Variants in PRDM16 observed in about 807,000 individuals in gnomAD.
PRDM16 encodes the protein PR/SET domain 16.
In PRDM16, 23 loss-of-function variants were observed where a neutral mutation model predicts 110.6. The ratio of observed to expected loss-of-function variants is 0.21; its 90% CI spans 0.15 to 0.29. The LOEUF (loss-of-function observed/expected upper bound fraction) is 0.29. Ranked by LOEUF, PRDM16 falls within the 10% of genes least tolerant of loss-of-function variation. The probability of loss-of-function intolerance (pLI) is 1.00; values close to 1 mark genes in which losing one functional copy is unlikely to be tolerated. For missense variants in PRDM16, 1,615 were observed against 1,794.3 expected (o/e 0.90, Z 1.81); for synonymous variants, 799 against 781.8 (o/e 1.02, Z -0.37).
chr1:3,329,700 G>A (rs1192431467), intron 3 of PRDM16, among the ~76,000 whole-genome samples: 1 of 152,246 alleles, frequency 6.6e-6, no homozygotes, highest in African/African-American at 2.4e-5. Flanking sequence ...TGAGTTGAGT[G>A]TGATTCTGGC....
rs1382162421 is a variant in PRDM16, at chr1:3,404,854, G to A, written c.1000G>A (p.Gly334Ser). ...LIRHQMSHDS[G>S]KRFECENCVK... ...CCGCCACCAGATGTCCCACGACAGC[G>A]GCAAACGCTTCGAATGTGAAAACTG... Residue 334 changes from glycine to serine, a missense_variant, in exon 7 of 17, where the codon GGC becomes AGC. This residue lies in a region of PRDM16 where 416 missense variants were observed against 467.1 expected (regional missense o/e 0.89). Transcript: ENST00000270722. The A allele has an allele frequency of 1.2e-5, 19 of 1,613,270 alleles. No homozygotes were observed. The highest frequency in any genetic ancestry group is 2.2e-5 in the East Asian group (1 of 44,894).
At chr1:3,352,164 G>A (rs763639023) in intron 3 of PRDM16, among the ~76,000 whole-genome samples, 55 of 152,182 alleles carry the variant, frequency 3.6e-4, no homozygotes, top group Non-Finnish European at 6.5e-4. Flanking sequence ...CCACCTGCCC[G>A]GCCCTGGCAC....
rs1018478097 is a variant in PRDM16 at position 3,281,301 on chromosome 1, G to A, written c.438+37164G>A. Among the ~76,000 whole-genome samples, 9 of 152,180 alleles carry A rather than the reference G, an allele frequency of 5.9e-5. No individual in the cohort carries two copies. The South Asian group carries it at 1.0e-3, about 18-fold the overall frequency. Reference sequence around the variant, plus strand: ...GAGACGCTCCCTTCCTACAGCTGCCGGTGGCCAGAACCCTCCACCTGTGCT... The same window carrying A: ...GAGACGCTCCCTTCCTACAGCTGCCAGTGGCCAGAACCCTCCACCTGTGCT... On this transcript the variant is annotated intron_variant, in intron 3 of 16. Transcript: ENST00000270722.
At chr1:3,405,783 G>T in intron 8 of PRDM16, 135 bp downstream of exon 8, 1 of 869,908 alleles carries the variant, frequency 1.1e-6, no homozygotes, top group Non-Finnish European at 1.7e-6. Context: ...CTCATGGCAG[G>T]TTCTGACATC....
intron 1 of PRDM16, among the ~76,000 whole-genome samples, chr1:3,141,771 G>A (rs1643554416): frequency 6.6e-6 from 1 of 152,240 alleles, no homozygotes; most frequent in South Asian, 2.1e-4. Context: ...GACAGAGAAG[G>A]TGGGACAAAT....
At chr1:3,429,979 G>A (rs967856689) in intron 14 of PRDM16, among the ~76,000 whole-genome samples, 2 of 152,150 alleles carry the variant, frequency 1.3e-5, no homozygotes, top group African/African-American at 2.4e-5. Flanking sequence ...CAGTGCCCCC[G>A]GGCGGAGTGA....
chr1:3,242,002 G>T (rs530622693), intron 2 of PRDM16, among the ~76,000 whole-genome samples: 63 of 152,342 alleles, frequency 4.1e-4, no homozygotes, highest in Middle Eastern at 3.4e-3. Context: ...GTGATCGTGG[G>T]GGTGTCACCT....
At chr1:3,089,361 C>T (rs1642221984) in intron 1 of PRDM16, among the ~76,000 whole-genome samples, 2 of 152,352 alleles carry the variant, frequency 1.3e-5, no homozygotes, top group African/African-American at 4.8e-5. Context: ...GGGGCTGTGA[C>T]CCCATGCAAC....
At chr1:3,231,247 G>A (rs56069308) in intron 2 of PRDM16, among the ~76,000 whole-genome samples, 4,558 of 152,310 alleles carry the variant, frequency 0.03, 172 homozygotes, top group African/African-American at 0.093. Context: ...CGCCACAAGA[G>A]GCTTTTGGTC....
chr1:3,210,652 C>T (rs1308798118), intron 2 of PRDM16, among the ~76,000 whole-genome samples: 1 of 152,252 alleles, frequency 6.6e-6, no homozygotes, highest in Admixed American at 6.5e-5. Context: ...GAACTTATGT[C>T]ATGGGTTCAC....
intron 2 of PRDM16, among the ~76,000 whole-genome samples, chr1:3,210,141 C>T (rs1440379427): frequency 6.6e-6 from 1 of 152,206 alleles, no homozygotes; most frequent in Non-Finnish European, 1.5e-5. Flanking sequence ...AACCAGCTCG[C>T]TATGTGCCGA....
At chr1:3,204,932 G>C (rs777176707) in intron 2 of PRDM16, among the ~76,000 whole-genome samples, 1 of 152,214 alleles carries the variant, frequency 6.6e-6, no homozygotes, top group African/African-American at 2.4e-5. Context: ...TGCTCCGAAC[G>C]GGGAGCTGGG....
intron 4 of PRDM16, among the ~76,000 whole-genome samples, chr1:3,388,881 T>C (rs918962717): frequency 1.2e-4 from 18 of 152,168 alleles, no homozygotes; most frequent in African/African-American, 4.3e-4. Flanking sequence ...AGATGGGGTC[T>C]GGGGGCAGAC....
intron 4 of PRDM16, 32 bp downstream of exon 4, chr1:3,385,318 C>A (rs1383288330): frequency 6.2e-7 from 1 of 1,610,034 alleles, no homozygotes; most frequent in Admixed American, 1.7e-5. Context: ...GGGCTTCTGC[C>A]TCTTGGAATT....
At position 3,206,186 on chromosome 1, in the gene PRDM16, A is replaced by G. The variant is rs1638749354; in HGVS notation, c.387+19712A>G. 6.6e-6 allele frequency: 1 copy of G among 151,364 alleles called. No individual in the cohort carries two copies. Among genetic ancestry groups the G allele is most frequent in the Non-Finnish European group, 1.5e-5 (1 of 67,876 alleles). 9.4% of individuals were successfully genotyped at this position (151,364 alleles called of 1,614,324 possible). ...GTGAACCTACTCTGGGAGAACCAACACCCCACACTAAGCCAGTGGCCCACA... is the reference window on the plus strand; with the variant it reads ...GTGAACCTACTCTGGGAGAACCAACGCCCCACACTAAGCCAGTGGCCCACA... On this transcript the variant is annotated intron_variant, in intron 2 of 16. Transcript: ENST00000270722. This position sits in a 1 kb window ranked among gnomAD's most constrained non-coding sequence, Gnocchi z 4.9.
intron 1 of PRDM16, among the ~76,000 whole-genome samples, chr1:3,105,981 C>G (rs1298009271): frequency 4.0e-5 from 6 of 150,652 alleles, no homozygotes; most frequent in Non-Finnish European, 8.8e-5. Context: ...GGGGGCAGGA[C>G]ATGTCCTGAA....
Position 3,411,887 on chromosome 1 carries a change from A to G in PRDM16, c.1690A>G (p.Asn564Asp). 1 of 1,613,396 alleles carries G rather than the reference A, an allele frequency of 6.2e-7. No individual in the cohort carries two copies. The highest frequency in any genetic ancestry group is 8.5e-7 in the Non-Finnish European group (1 of 1,179,626). The change falls in exon 9 of 17, where the codon AAC becomes GAC. Residue 564 changes from asparagine to aspartate, a missense_variant. This residue lies in a region of PRDM16 where 772 missense variants were observed against 748.3 expected (regional missense o/e 1.03). Transcript: ENST00000270722. ...CCTGCCCCTGGTCTCCGCCGTCAGC[A>G]ACAGCAGCCAGGGCACGACGGCAGC... ...PALPLVSAVS[N>D]SSQGTTAAAG... is the part of the protein sequence containing the mutation.
chr1:3,379,159 AGCACACCCCTCCC>A (rs1643051420), intron 3 of PRDM16, among the ~76,000 whole-genome samples: 1 of 57,176 alleles, frequency 1.7e-5, no homozygotes, highest in Non-Finnish European at 3.3e-5. Context: ...CACCCCTCCC[AGCACACCCCTCCC>A]AAAACACCCC....
Position 3,432,124 on chromosome 1 carries a change from G to A in PRDM16, c.3680G>A (p.Arg1227Lys), listed in dbSNP as rs765828521. 5 of 1,613,566 alleles carry A rather than the reference G, an allele frequency of 3.1e-6. No homozygotes were observed. The African/African-American group carries it at 5.3e-5, about 17-fold the overall frequency. Reference protein sequence around the residue: ...DSEALKHTLCRQAKNQAYAMM... With the variant: ...DSEALKHTLCKQAKNQAYAMM... ...GAGGCTTTAAAACATACACTGTGCA[G>A]GCAGGCTAAGAACCAGGTAGGTACC... Residue 1227 changes from arginine to lysine, a missense_variant, in exon 16 of 17, where the codon AGG (arginine) becomes AAG (lysine). Arg to Lys is a conservative substitution (Grantham distance 26, BLOSUM62 2). Around this residue, in one of 5 missense-constraint regions of PRDM16, gnomAD observed 327 missense variants for 359.3 expected, o/e 0.91. Transcript: ENST00000270722.
Sources: allele counts gnomAD v4.1 joint callset (sites outside exome capture counted in the v4.1 genomes callset), GRCh38; gene constraint gnomAD v4.1.1; regional missense constraint gnomAD v4.1.1; non-coding constraint Gnocchi (gnomAD v3.1); transcripts MANE v1.5; gene names NCBI Gene and HGNC (gene_info 2026-07-23, HGNC 2026-07-21).